The following HDAC9 variants were observed in gnomAD, a reference collection of about 807,000 sequenced individuals.
HDAC9 encodes histone deacetylase 9.
Under a neutral mutation model 139.4 loss-of-function variants are expected in HDAC9, and 41 were observed. The observed-to-expected ratio is 0.29, with a 90% CI of 0.23 to 0.38. The LOEUF is 0.38. Ranked by LOEUF, HDAC9 falls within the 10% of genes least tolerant of loss-of-function variation. The probability of loss-of-function intolerance (pLI) is 1.00; values close to 1 mark genes in which losing one functional copy is unlikely to be tolerated. For missense variants in HDAC9, 1,147 were observed against 1,297.0 expected, an observed-to-expected ratio of 0.88 and a Z score of 1.78; for synonymous variants, 517 against 476.2, an observed-to-expected ratio of 1.09 and a Z score of -1.12.
At chr7:18,482,893 A>G (rs1421796479) in intron 1 of HDAC9, among the ~76,000 whole-genome samples, 1 of 152,172 alleles carries the variant, frequency 6.6e-6, no homozygotes, top group East Asian at 1.9e-4. Flanking sequence ...CACTTGTCAA[A>G]GCAAATCATA....
intron 1 of HDAC9, chr7:18,327,503 A>G (rs1260908367): frequency 1.3e-5 from 2 of 151,892 alleles, no homozygotes; most frequent in African/African-American, 4.8e-5. Flanking sequence ...ATGGAATATT[A>G]CACTAATTAA....
At chr7:18,270,010 G>A (rs1302770873) in intron 2 of HDAC9, among the ~76,000 whole-genome samples, 1 of 152,038 alleles carries the variant, frequency 6.6e-6, no homozygotes, top group African/African-American at 2.4e-5. Flanking sequence ...CTTTGTTGTA[G>A]GGGCCTGTTG....
intron 1 of HDAC9, among the ~76,000 whole-genome samples, chr7:18,121,897 T>C (rs1272510577): frequency 6.6e-6 from 1 of 151,976 alleles, no homozygotes; most frequent in African/African-American, 2.4e-5. Flanking sequence ...AAAGAAGAGA[T>C]GAAGAGATCT....
intron 2 of HDAC9, among the ~76,000 whole-genome samples, chr7:18,262,800 A>G (rs1314782399): frequency 6.6e-6 from 1 of 152,174 alleles, no homozygotes. Flanking sequence ...AATTCTACCT[A>G]CATTGTTATA....
chr7:18,392,373 C>T (rs749278801), intron 1 of HDAC9, among the ~76,000 whole-genome samples: 1 of 147,774 alleles, frequency 6.8e-6, no homozygotes, highest in East Asian at 2.0e-4. Context: ...TAATCTCTGT[C>T]TCTCTAGATA....
rs75711098 is a variant in HDAC9, at chr7:18,089,332, G to C, written c.-97+2119G>C. On this transcript the variant is annotated intron_variant, in intron 1 of 12. Coordinates refer to the HDAC9 transcript ENST00000417496. ...AGAGTGTTTAGCACATTAAAGTGCT[G>C]TCTTTTGTAGAAATAATGATGGCTC... Among the ~76,000 whole-genome samples, 10 of 152,222 alleles carry C rather than the reference G, an allele frequency of 6.6e-5. No individual in the cohort carries two copies. In the East Asian group the frequency reaches 1.9e-3, roughly 29 times the overall value.
intron 12 of HDAC9, among the ~76,000 whole-genome samples, chr7:18,675,205 C>T (rs1482587980): frequency 6.6e-6 from 1 of 151,972 alleles, no homozygotes; most frequent in Non-Finnish European, 1.5e-5. Context: ...ATGCATCAAA[C>T]CCTATGTATG....
chr7:18,810,091 AAT>A (rs1217567247), intron 17 of HDAC9, among the ~76,000 whole-genome samples: 2 of 151,986 alleles, frequency 1.3e-5, no homozygotes, highest in African/African-American at 4.8e-5. Flanking sequence ...CCTGGAAGAC[AAT>A]ATGTTAAGTG....
chr7:18,683,213 C>G (rs1782013926), intron 12 of HDAC9, among the ~76,000 whole-genome samples: 1 of 151,978 alleles, frequency 6.6e-6, no homozygotes, highest in Non-Finnish European at 1.5e-5. Context: ...TATAATTAAA[C>G]TTACAAATTA....
At chr7:18,338,285 TATCTG>T (rs558824470) in intron 1 of HDAC9, among the ~76,000 whole-genome samples, 125 of 151,760 alleles carry the variant, frequency 8.2e-4, no homozygotes, top group Non-Finnish European at 1.5e-3. Flanking sequence ...TTCAAAGAAA[TATCTG>T]AACAGAGGAA....
intron 12 of HDAC9, among the ~76,000 whole-genome samples, chr7:18,701,191 C>T (rs1172840630): frequency 2.5e-4 from 38 of 149,778 alleles, no homozygotes; most frequent in African/African-American, 7.8e-4. Flanking sequence ...TTTTTTTCCT[C>T]TTAAGCAAAA....
chr7:18,122,626 G>T (rs945735021), intron 1 of HDAC9, among the ~76,000 whole-genome samples: 3 of 151,870 alleles, frequency 2.0e-5, no homozygotes, highest in Non-Finnish European at 2.9e-5. Context: ...AATTTTTGTG[G>T]TGTTGTTTTT....
Position 18,106,339 on chromosome 7 carries a change from C to T in HDAC9, c.-97+19126C>T, listed in dbSNP as rs576068638. On this transcript the variant is annotated intron_variant, in intron 1 of 12. Transcript: ENST00000417496. ...GTTTTCCCAGTCTCATTTCTGGGTACTTTGTCTTTCCATATCCATTGCCTG... is the reference window on the plus strand; with the variant it reads ...GTTTTCCCAGTCTCATTTCTGGGTATTTTGTCTTTCCATATCCATTGCCTG... 5.1e-4 allele frequency among the ~76,000 whole-genome samples: 78 copies of T among 152,286 alleles called. 1 individual carries two copies. In the East Asian group the frequency reaches 0.012, roughly 23 times the overall value.
In HDAC9 at chr7:18,835,461, C is replaced by G. The variant is rs41273078; in HGVS notation, c.2467-6C>G. The G allele has an allele frequency of 0.014, 22,071 of 1,611,998 alleles. 200 individuals are homozygous for G. Among genetic ancestry groups the G allele is most frequent in the South Asian group, 0.017 (1,544 of 90,906 alleles). On this transcript the variant is annotated splice_polypyrimidine_tract_variant and splice_region_variant and intron_variant, in intron 19 of 25. Coordinates refer to ENST00000686413, the MANE Select transcript of HDAC9 (RefSeq NM_178425.4). ...GTATTTGTCGTCTGTTTTCATTTCC[C>G]TGTAGGATGTTCACCATGGAAACGG...
At chr7:18,320,374 A>G (rs1799942994) in intron 1 of HDAC9, among the ~76,000 whole-genome samples, 1 of 152,160 alleles carries the variant, frequency 6.6e-6, no homozygotes, top group South Asian at 2.1e-4. Context: ...TGAATAGTAC[A>G]AGCTCTTATT....
At chr7:18,578,058 T>C (rs1826567147) in intron 2 of HDAC9, 2 of 492,774 alleles carry the variant, frequency 4.1e-6, no homozygotes, top group African/African-American at 3.9e-5. Flanking sequence ...TAGCTTGACT[T>C]TTGGGAGCTA....
At chr7:18,940,181 G>A (rs922169756) in intron 23 of HDAC9, among the ~76,000 whole-genome samples, 2 of 152,070 alleles carry the variant, frequency 1.3e-5, no homozygotes, top group African/African-American at 4.8e-5. Flanking sequence ...TAGACACATA[G>A]AGGGGTACCA....
At chr7:18,921,836 C>T (rs1169150912) in intron 22 of HDAC9, among the ~76,000 whole-genome samples, 1 of 151,964 alleles carries the variant, frequency 6.6e-6, no homozygotes, top group African/African-American at 2.4e-5. Flanking sequence ...CCCAAATGTC[C>T]AACAATGATA....
chr7:18,916,809 G>A (rs555841272), intron 22 of HDAC9, among the ~76,000 whole-genome samples: 6 of 152,054 alleles, frequency 3.9e-5, no homozygotes, highest in South Asian at 2.1e-4. Flanking sequence ...CCATGTCTTC[G>A]CAAAGAAAAG....
Sources: gnomAD v4.1 joint callset for allele counts (sites outside exome capture counted in the v4.1 genomes callset) on GRCh38, gnomAD v4.1.1 for gene constraint, MANE v1.5 for transcripts, NCBI Gene and HGNC (gene_info 2026-07-23, HGNC 2026-07-21) for gene names.